The following RASSF8 variants were observed in gnomAD, a reference collection of about 807,000 sequenced individuals.
RASSF8 encodes the protein Ras association domain family member 8.
A neutral mutation model predicts 48.5 loss-of-function variants in RASSF8; 22 were observed. The observed-to-expected ratio is 0.45, with a 90% CI of 0.32 to 0.65. The LOEUF is 0.65. RASSF8 is among the 30% of genes least tolerant of loss of function. The pLI, the probability that RASSF8 is intolerant of heterozygous loss-of-function variation, is 0.03. For synonymous variants in RASSF8, 127 were observed against 171.5 expected (o/e 0.74, Z 2.03); for missense variants, 418 against 489.2 (o/e 0.85, Z 1.37).
intron 2 of RASSF8, among the ~76,000 whole-genome samples, chr12:26,045,488 C>T (rs1943353692): frequency 1.3e-5 from 2 of 152,018 alleles, no homozygotes; most frequent in Non-Finnish European, 2.9e-5. Flanking sequence ...TTTATTTTGT[C>T]TTTGAAGTAT....
chr12:25,996,954 C>T (rs1257748703), intron 2 of RASSF8, among the ~76,000 whole-genome samples: 2 of 152,110 alleles, frequency 1.3e-5, no homozygotes, highest in East Asian at 1.9e-4. Flanking sequence ...GTAAAACTAT[C>T]TTAAGTTTTT....
intron 1 of RASSF8, among the ~76,000 whole-genome samples, chr12:25,978,381 C>T (rs1275111342): frequency 1.3e-5 from 2 of 152,234 alleles, no homozygotes; most frequent in Non-Finnish European, 2.9e-5. Context: ...CAAACCGCCA[C>T]ATTCCCTCAT....
rs1742924467 is a variant in RASSF8, at chr12:25,959,025, T to C, written c.-326T>C. 1.4e-5 allele frequency: 2 copies of C among 145,086 alleles called. No individual in the cohort carries two copies. The highest frequency in any genetic ancestry group is 4.4e-4 in the South Asian group (2 of 4,564). The allele number at this position is 145,086 out of a possible 1,614,324, so 9.0% of individuals were successfully genotyped here. ...GCGCGGCGCGGGGAGCGCCGGGGAG[T>C]GCCGGGGAGTGCGGCGCGGGGACGG... is the stretch of plus-strand genomic sequence containing the variant. On this transcript the variant is annotated 5_prime_UTR_variant, in exon 1 of 6. Transcript: ENST00000689635.
chr12:25,993,422 A>C (rs1252563998), intron 1 of RASSF8, among the ~76,000 whole-genome samples: 1 of 152,216 alleles, frequency 6.6e-6, no homozygotes, highest in African/African-American at 2.4e-5. Context: ...AACACAACTA[A>C]AAAGAGAGAT....
chr12:25,979,766 G>A (rs192270927), intron 1 of RASSF8, among the ~76,000 whole-genome samples: 35 of 152,336 alleles, frequency 2.3e-4, no homozygotes, highest in African/African-American at 7.2e-4. Flanking sequence ...GTAGAGGAGA[G>A]AGGTTGAGTA....
rs1943839942 is a variant in RASSF8, at chr12:26,065,100, A to G, written c.706A>G (p.Asn236Asp). Residue 236 changes from asparagine to aspartate, a missense_variant, in exon 4 of 6, where the codon AAT becomes GAT. Asn to Asp is a conservative substitution (Grantham distance 23). Transcript: ENST00000689635. Reference protein sequence around the residue: ...WENELQIEQENEKQLKDQLQE... With the variant: ...WENELQIEQEDEKQLKDQLQE... ...AAATGAATTACAGATTGAACAGGAA[A>G]ATGAAAAACAGCTGAAGGATCAACT... The G allele has an allele frequency of 6.2e-7, 1 of 1,613,958 alleles. No homozygotes were observed. The highest frequency in any genetic ancestry group is 1.3e-5 in the African/African-American group (1 of 74,932).
In RASSF8 at chr12:26,056,840, T is replaced by C. The variant is rs756323014; in HGVS notation, c.103+1394T>C. 2.7e-4 allele frequency among the ~76,000 whole-genome samples: 41 copies of C among 152,340 alleles called. 1 individual carries two copies. The highest frequency in any genetic ancestry group is 4.1e-4 in the South Asian group (2 of 4,830). On this transcript the variant is annotated intron_variant, in intron 3 of 5. Coordinates refer to ENST00000689635, the MANE Select transcript of RASSF8 (RefSeq NM_001394098.1). ...TATTAAAGAGGAGAAAATTAAGGCA[T>C]TTAATTTTTTCATATTCTTTCTATG...
At chr12:26,028,151 A>G (rs1032568445) in intron 2 of RASSF8, among the ~76,000 whole-genome samples, 26 of 152,046 alleles carry the variant, frequency 1.7e-4, no homozygotes, top group African/African-American at 5.1e-4. Flanking sequence ...GAGACTGTAT[A>G]AATTTAATTT....
At chr12:26,079,195 G>A (rs1944096671) in exon 6 of RASSF8, 2 of 631,586 alleles carry the variant, frequency 3.2e-6, no homozygotes, top group South Asian at 2.5e-5. Context: ...TGTAGATTGG[G>A]AGAAAATATT....
chr12:25,990,029 GTGTC>G (rs1421582993), intron 1 of RASSF8, among the ~76,000 whole-genome samples: 6 of 152,162 alleles, frequency 3.9e-5, no homozygotes, highest in Non-Finnish European at 1.5e-5. Flanking sequence ...GTTGTGAACA[GTGTC>G]TGAACTGGGC....
chr12:26,062,724 G>T (rs924688359), intron 3 of RASSF8, among the ~76,000 whole-genome samples: 9 of 152,210 alleles, frequency 5.9e-5, no homozygotes, highest in Admixed American at 5.9e-4. Context: ...AAAGATCATT[G>T]TGATGACACA....
chr12:25,996,954 CTTAAG>C (rs1346447701), intron 2 of RASSF8, among the ~76,000 whole-genome samples: 1 of 152,110 alleles, frequency 6.6e-6, no homozygotes, highest in Non-Finnish European at 1.5e-5. Flanking sequence ...GTAAAACTAT[CTTAAG>C]TTTTTTTCAT....
intron 3 of RASSF8, among the ~76,000 whole-genome samples, chr12:26,063,840 T>G (rs973733503): frequency 6.6e-6 from 1 of 151,992 alleles, no homozygotes; most frequent in Non-Finnish European, 1.5e-5. Context: ...TTTTGAAGAG[T>G]TTTTTTCATT....
intron 1 of RASSF8, among the ~76,000 whole-genome samples, chr12:25,989,103 A>G (rs1444747497): frequency 6.6e-6 from 1 of 152,178 alleles, no homozygotes; most frequent in Non-Finnish European, 1.5e-5. Context: ...TCCTTTGCAG[A>G]GTGATTCTAC....
At position 26,071,439 on chromosome 12, in the gene RASSF8, T is replaced by G. The variant is rs549823318; in HGVS notation, c.*2621T>G. On this transcript the variant is annotated 3_prime_UTR_variant, in exon 6 of 6. Transcript: ENST00000689635. ...AAAATCATATTGCAACTTGTTTTAT[T>G]GTGATTTTCTACAAGTATTAAATAC... The G allele has an allele frequency of 2.9e-5, 27 of 943,174 alleles. No homozygotes were observed. In the East Asian group the frequency reaches 2.9e-3, roughly 102 times the overall value. 58.4% of individuals were successfully genotyped at this position (943,174 alleles called of 1,614,324 possible).
intron 1 of RASSF8, among the ~76,000 whole-genome samples, chr12:25,978,620 T>C (rs1003920389): frequency 6.6e-6 from 1 of 152,148 alleles, no homozygotes; most frequent in African/African-American, 2.4e-5. Flanking sequence ...TTATTCAGCA[T>C]GGGAGGCACT....
chr12:26,055,610 C>G (rs1943585221), intron 3 of RASSF8, among the ~76,000 whole-genome samples, 164 bp downstream of exon 3: 1 of 152,178 alleles, frequency 6.6e-6, no homozygotes, highest in African/African-American at 2.4e-5. Context: ...TTAGGTACAT[C>G]TGTGATGATG....
chr12:25,983,282 C>T (rs1413463158), intron 1 of RASSF8, among the ~76,000 whole-genome samples: 1 of 151,482 alleles, frequency 6.6e-6, no homozygotes, highest in Non-Finnish European at 1.5e-5. Context: ...GAGAAATAAA[C>T]ATATAATTGG....
chr12:26,044,020 T>A (rs979871015), intron 2 of RASSF8, among the ~76,000 whole-genome samples: 2 of 152,208 alleles, frequency 1.3e-5, no homozygotes, highest in African/African-American at 4.8e-5. Flanking sequence ...AATTTTTCTG[T>A]ATGTTATACT....
Sources: allele counts gnomAD v4.1 joint callset (sites outside exome capture counted in the v4.1 genomes callset), GRCh38; gene constraint gnomAD v4.1.1; transcripts MANE v1.5; gene names NCBI Gene and HGNC (gene_info 2026-07-23, HGNC 2026-07-21).